The following PDZD7 variants were observed in gnomAD, a reference collection of about 807,000 sequenced individuals.
PDZD7 encodes PDZ domain containing 7.
Under a neutral mutation model 84.7 loss-of-function variants are expected in PDZD7, and 72 were observed. The ratio of observed to expected loss-of-function variants is 0.85; its 90% CI spans 0.70 to 1.03. The LOEUF is 1.03. Among genes scored for constraint, PDZD7 ranks in the 50% least tolerant of loss-of-function variants. The pLI is 0.00. For synonymous variants in PDZD7, 594 were observed against 580.7 expected, an observed-to-expected ratio of 1.02 and a Z score of -0.33; for missense variants, 1,490 against 1,412.9, an observed-to-expected ratio of 1.05 and a Z score of -0.87.
rs1483653332 is a variant in PDZD7, at chr10:101,022,366, G to GC, written c.561dup (p.Arg188AlafsTer80). On this transcript the variant is annotated frameshift_variant, in exon 5 of 17. Coordinates refer to ENST00000619208, the MANE Select transcript of PDZD7 (RefSeq NM_001195263.2). LOFTEE classifies it high-confidence loss of function. ...GAACCGCACTTCTCCACTACCAGGC[G>GC]CCGATTCACCACATCCACCCTGGAC... 1.2e-6 allele frequency: 2 copies of GC among 1,614,024 alleles called. No individual in the cohort carries two copies. Among genetic ancestry groups the GC allele is most frequent in the Admixed American group, 3.3e-5 (2 of 60,002 alleles).
rs1335781251 is a variant in PDZD7 at position 101,011,988 on chromosome 10, G to A, written c.1870C>T (p.Arg624Cys). 10 of 1,550,404 alleles carry A rather than the reference G, an allele frequency of 6.4e-6. No individual in the cohort carries two copies. The highest frequency in any genetic ancestry group is 7.8e-6 in the Non-Finnish European group (9 of 1,146,996). Residue 624 changes from arginine to cysteine, a missense_variant, in exon 13 of 17, where the codon CGC becomes TGC. Arg to Cys is a radical substitution (Grantham distance 180). Transcript: ENST00000619208. ...ACAAGCATCACCATGCTGTCGAAGC[G>A]GCCCAGGTCTGTGGGGGCCACCACA... Reference protein sequence around the residue: ...RSVVAPTDLGRFDSMVMLVEL... With the variant: ...RSVVAPTDLGCFDSMVMLVEL...
chr10:101,020,600 G>A lies in PDZD7; in HGVS notation c.928+18C>T. On this transcript the variant is annotated intron_variant, in intron 7 of 16. Coordinates refer to ENST00000619208, the MANE Select transcript of PDZD7 (RefSeq NM_001195263.2). ...CTCAGCCCTTTCCCTCCAACCTTGG[G>A]AGATCTGAGCCACTTACGTCGGTCC... The A allele has an allele frequency of 6.3e-7, 1 of 1,584,972 alleles. No individual in the cohort carries two copies. The highest frequency in any genetic ancestry group is 1.7e-5 in the Admixed American group (1 of 59,700).
Position 101,016,362 on chromosome 10 carries a change from G to T in PDZD7, c.1573+15C>A. 6.4e-7 allele frequency: 1 copy of T among 1,550,474 alleles called. No homozygotes were observed. Among genetic ancestry groups the T allele is most frequent in the East Asian group, 2.4e-5 (1 of 40,930 alleles). ...TACTGTAAACTAGGCCTTGGTAAAG[G>T]GATGCATGAATTACCACGTCTCAGT... On this transcript the variant is annotated intron_variant, in intron 10 of 16. Transcript: ENST00000619208.
chr10:101,027,222 T>C (rs945034323), intron 2 of PDZD7, among the ~76,000 whole-genome samples: 4 of 152,152 alleles, frequency 2.6e-5, no homozygotes, highest in African/African-American at 7.2e-5. Flanking sequence ...TATAAGGCCC[T>C]GCCTGGGCTT....
chr10:101,024,764 CT>C (rs1937605920), intron 2 of PDZD7, among the ~76,000 whole-genome samples: 1 of 144,194 alleles, frequency 6.9e-6, no homozygotes, highest in Admixed American at 7.0e-5. Flanking sequence ...AGTGAGACCC[CT>C]GTCTCAAAAA....
intron 2 of PDZD7, among the ~76,000 whole-genome samples, chr10:101,028,304 T>G (rs1937838256): frequency 6.6e-6 from 1 of 152,094 alleles, no homozygotes; most frequent in African/African-American, 2.4e-5. Context: ...AGGGACAGTA[T>G]AGGCCAGGCA....
At chr10:101,024,185 G>C in intron 2 of PDZD7, 117 bp from the exon 3 acceptor site, 3 of 1,426,582 alleles carry the variant, frequency 2.1e-6, no homozygotes, top group Non-Finnish European at 2.0e-6. Context: ...ACACAGGCAC[G>C]TAGGGGCCTA....
intron 1 of PDZD7, 116 bp from the exon 2 acceptor site, chr10:101,030,500 C>A: frequency 1.7e-6 from 1 of 597,876 alleles, no homozygotes; most frequent in Non-Finnish European, 3.0e-6. Context: ...TTAGGCCCCC[C>A]TCCTGTCTCA....
Position 101,008,349 on chromosome 10 carries a change from G to A in PDZD7, c.*118C>T. 9.9e-7 allele frequency: 1 copy of A among 1,009,750 alleles called. No homozygotes were observed. Among genetic ancestry groups the A allele is most frequent in the Non-Finnish European group, 1.4e-6 (1 of 708,502 alleles). The allele number at this position is 1,009,750 out of a possible 1,614,324, so 62.5% of individuals were successfully genotyped here. On this transcript the variant is annotated 3_prime_UTR_variant, in exon 17 of 17. Coordinates refer to ENST00000619208, the MANE Select transcript of PDZD7 (RefSeq NM_001195263.2). ...GTGGAAAGATGTGAGCCACCAGTGTGGCACTGGGAGGAGGCAGGGTGGGCA... is the reference window on the plus strand; with the variant it reads ...GTGGAAAGATGTGAGCCACCAGTGTAGCACTGGGAGGAGGCAGGGTGGGCA...
chr10:101,030,558 C>T, intron 1 of PDZD7, 174 bp from the exon 2 acceptor site: 2 of 493,494 alleles, frequency 4.1e-6, no homozygotes, highest in Admixed American at 3.3e-5. Context: ...TGGACTCTCG[C>T]TGACTTTATA....
At position 101,010,446 on chromosome 10, in the gene PDZD7, G is replaced by A; in HGVS notation, c.2443C>T (p.Pro815Ser). The change falls in exon 15 of 17, where the codon CCT becomes TCT. Residue 815 changes from proline (P) to serine (S), a missense_variant. Physicochemically the swap from Pro to Ser is moderately conservative, Grantham distance 74. Transcript: ENST00000619208. The stretch of plus-strand genomic sequence containing the variant: ...GGCAGAGGGGGTCTGGCCTTCCGAG[G>A]CTTGTGGTAGCGCCCATTGGTCATG... ...PSMTNGRYHK[P>S]RKARPPLPRP... The A allele has an allele frequency of 6.5e-7, 1 of 1,536,096 alleles. No individual in the cohort carries two copies. The highest frequency in any genetic ancestry group is 8.7e-7 in the Non-Finnish European group (1 of 1,146,894).
At position 101,010,668 on chromosome 10, in the gene PDZD7, C is replaced by A; in HGVS notation, c.2221G>T (p.Val741Leu). The part of the protein sequence containing the change: ...ACTPPPQLPP[V>L]APRPLRPNWL... ...TTAGGCCGCAGGGGCCGGGGAGCCA[C>A]GGGGGGTAGCTGGGGAGGGGGTGTG... Residue 741 changes from valine to leucine, a missense_variant, in exon 15 of 17, where the codon GTG becomes TTG. Transcript: ENST00000619208. 1.4e-6 allele frequency: 2 copies of A among 1,414,784 alleles called. No individual in the cohort carries two copies. The highest frequency in any genetic ancestry group is 1.4e-5 in the South Asian group (1 of 72,424). 87.6% of individuals were successfully genotyped at this position (1,414,784 alleles called of 1,614,324 possible).
intron 11 of PDZD7, among the ~76,000 whole-genome samples, chr10:101,014,856 A>G (rs1462346800): frequency 6.6e-6 from 1 of 152,134 alleles, no homozygotes; most frequent in Non-Finnish European, 1.5e-5. Context: ...GAATCCACAA[A>G]CAATTTTTCA....
At chr10:101,019,348 A>C in intron 7 of PDZD7, 131 bp from the exon 8 acceptor site, 1 of 1,154,504 alleles carries the variant, frequency 8.7e-7, no homozygotes, top group Non-Finnish European at 1.2e-6. Flanking sequence ...CGCAGTGGTG[A>C]GGAACCCGCT....
intron 11 of PDZD7, among the ~76,000 whole-genome samples, chr10:101,014,756 A>C (rs1261857340): frequency 6.6e-6 from 1 of 152,090 alleles, no homozygotes; most frequent in Non-Finnish European, 1.5e-5. Flanking sequence ...CAGTCATATC[A>C]GTACAAACCA....
chr10:101,010,320 T>C lies in PDZD7; in HGVS notation c.2569A>G (p.Ser857Gly). The stretch of plus-strand genomic sequence containing the variant: ...AGTGTCACTGTCTTCAGCTCGCCAC[T>C]GGGGTTCTTCATGGCTGCCTCCTTG... ...TAKEAAMKNP[S>G]GELKTVTLSK... The change falls in exon 15 of 17, where the codon AGT (serine) becomes GGT (glycine). Residue 857 changes from serine to glycine, a missense_variant. By Grantham distance (56) the Ser-to-Gly change is moderately conservative. Transcript: ENST00000619208. The C allele has an allele frequency of 6.5e-7, 1 of 1,536,094 alleles. No individual in the cohort carries two copies.
chr10:101,018,185 C>T lies in PDZD7; in HGVS notation c.1436G>A (p.Arg479Lys). 1.2e-6 allele frequency: 2 copies of T among 1,614,250 alleles called. No homozygotes were observed. The highest frequency in any genetic ancestry group is 1.7e-6 in the Non-Finnish European group (2 of 1,180,042). Residue 479 changes from arginine to lysine, a missense_variant, in exon 9 of 17, where the codon AGG (arginine) becomes AAG (lysine). Physicochemically the swap from Arg to Lys is conservative, Grantham distance 26. Coordinates refer to ENST00000619208, the MANE Select transcript of PDZD7 (RefSeq NM_001195263.2). Reference protein sequence around the residue: ...NLFFKGGRQGRLARDGRREAW... With the variant: ...NLFFKGGRQGKLARDGRREAW... The stretch of plus-strand genomic sequence containing the variant: ...CTCTCTGCGCCCGTCCCGCGCTAGC[C>T]TCCCCTGCCGCCCTCCCTTGAAGAA...
At chr10:101,014,490 T>C (rs1852520570) in intron 11 of PDZD7, among the ~76,000 whole-genome samples, 1 of 152,130 alleles carries the variant, frequency 6.6e-6, no homozygotes, top group Admixed American at 6.5e-5. Flanking sequence ...GCCGGCCCAC[T>C]GGAGGCTGGT....
intron 2 of PDZD7, among the ~76,000 whole-genome samples, chr10:101,027,984 C>T (rs1376587848): frequency 6.6e-6 from 1 of 152,162 alleles, no homozygotes; most frequent in Non-Finnish European, 1.5e-5. Context: ...CTGGTGGGAT[C>T]TCATGGGGCC....
Sources: allele counts gnomAD v4.1 joint callset (sites outside exome capture counted in the v4.1 genomes callset), GRCh38; gene constraint gnomAD v4.1.1; transcripts MANE v1.5; gene names NCBI Gene and HGNC (gene_info 2026-07-23, HGNC 2026-07-21).